Variants in LUZP2 observed in about 807,000 individuals in gnomAD.
LUZP2 encodes leucine zipper protein 2.
Under a neutral mutation model 51.6 loss-of-function variants are expected in LUZP2, and 52 were observed. The observed-to-expected ratio is 1.01, with a 90% confidence interval of 0.81 to 1.27. The LOEUF (loss-of-function observed/expected upper bound fraction) is 1.27. Ranked by LOEUF, LUZP2 falls within the 50% of genes most tolerant of loss-of-function variation. LUZP2 has a pLI of 0.00. For missense variants in LUZP2, 436 were observed against 395.4 expected (o/e 1.10, Z -0.87); for synonymous variants, 154 against 137.3 (o/e 1.12, Z -0.85).
intron 1 of LUZP2, among the ~76,000 whole-genome samples, chr11:24,628,390 G>C (rs577741356): frequency 6.6e-6 from 1 of 152,114 alleles, no homozygotes; most frequent in Non-Finnish European, 1.5e-5. Flanking sequence ...TTCCTTCTCT[G>C]TTATTTATAG....
intron 5 of LUZP2, among the ~76,000 whole-genome samples, chr11:24,881,315 CAAAA>C (rs3078893): frequency 1.6e-5 from 2 of 127,778 alleles, no homozygotes; most frequent in African/African-American, 5.5e-5. Context: ...GAGTAATTGC[CAAAA>C]AAAAAAAAAG....
Position 24,786,850 on chromosome 11 carries a change from C to A in LUZP2, c.396+23542C>A, listed in dbSNP as rs983150514. Among the ~76,000 whole-genome samples the A allele has an allele frequency of 2.0e-5, 3 of 151,462 alleles. No individual in the cohort carries two copies. In the Admixed American group the frequency reaches 2.0e-4, roughly 10 times the overall value. ...TCTTTCAGGTATTTTTATAGGAAGC[C>A]AAATTTTCAATAAGAAAGTACTGTA... On this transcript the variant is annotated intron_variant, in intron 5 of 11. Coordinates refer to ENST00000336930, the MANE Select transcript of LUZP2 (RefSeq NM_001009909.4).
chr11:24,595,509 T>A (rs1056737752), intron 1 of LUZP2, among the ~76,000 whole-genome samples: 12 of 152,196 alleles, frequency 7.9e-5, no homozygotes. Context: ...CAGGTTCTGC[T>A]GGATGGTATG....
chr11:24,926,040 C>A (rs1343993791), intron 7 of LUZP2, among the ~76,000 whole-genome samples: 1 of 151,872 alleles, frequency 6.6e-6, no homozygotes, highest in Admixed American at 6.6e-5. Context: ...GTCTCCAAAT[C>A]CATCCAGGTT....
At chr11:24,786,188 A>G (rs1849240327) in intron 5 of LUZP2, 1 of 969,196 alleles carries the variant, frequency 1.0e-6, no homozygotes, top group Non-Finnish European at 1.2e-6. Context: ...CAAGAAGCAT[A>G]TTATATATTT....
chr11:24,908,959 C>T (rs1050949113), intron 6 of LUZP2, among the ~76,000 whole-genome samples: 1 of 151,564 alleles, frequency 6.6e-6, no homozygotes, highest in African/African-American at 2.4e-5. Context: ...GACAGGGTTT[C>T]ACTGTGTTAG....
intron 7 of LUZP2, among the ~76,000 whole-genome samples, chr11:24,965,586 T>C (rs10834559): frequency 0.49 from 74,270 of 151,502 alleles, 18,574 homozygotes; most frequent in Non-Finnish European, 0.51. Flanking sequence ...GGAAAAGTTA[T>C]AGGTTAACAA....
chr11:24,936,592 C>T (rs1565132509), intron 7 of LUZP2, among the ~76,000 whole-genome samples: 1 of 151,542 alleles, frequency 6.6e-6, no homozygotes, highest in Non-Finnish European at 1.5e-5. Context: ...CCTCTCATTC[C>T]TGATCGTAGC....
At chr11:25,020,569 C>T (rs953401008) in intron 9 of LUZP2, among the ~76,000 whole-genome samples, 1 of 151,826 alleles carries the variant, frequency 6.6e-6, no homozygotes, top group Non-Finnish European at 1.5e-5. Flanking sequence ...GTCATTTTTG[C>T]AGAGTTATAT....
intron 3 of LUZP2, among the ~76,000 whole-genome samples, chr11:24,736,542 T>C (rs1254865227): frequency 6.6e-6 from 1 of 151,506 alleles, no homozygotes; most frequent in African/African-American, 2.4e-5. Flanking sequence ...GATAGTATAG[T>C]AACTCTTTAT....
chr11:24,658,506 T>A lies in LUZP2; in HGVS notation c.63-70663T>A, dbSNP rs563493543. Among the ~76,000 whole-genome samples the A allele has an allele frequency of 2.4e-3, 368 of 152,220 alleles. 2 individuals carry two copies. Among genetic ancestry groups the A allele is most frequent in the African/African-American group, 8.6e-3 (358 of 41,538 alleles). On this transcript the variant is annotated intron_variant, in intron 1 of 11. Transcript: ENST00000336930. ...AACCTAGGCAATACCATTCAGGACA[T>A]AGGCATGGGCAAGGACTTCATGTCT...
At chr11:25,062,613 A>AAAAAAAG (rs10676930) in intron 10 of LUZP2, among the ~76,000 whole-genome samples, 1 of 147,184 alleles carries the variant, frequency 6.8e-6, no homozygotes. Context: ...AAAAAAAAAA[A>AAAAAAAG]GAAAGGAAAG....
At chr11:24,534,432 A>G (rs1320948059) in intron 1 of LUZP2, among the ~76,000 whole-genome samples, 3 of 143,848 alleles carry the variant, frequency 2.1e-5, no homozygotes, top group Non-Finnish European at 4.5e-5. Context: ...AAGATTACAC[A>G]TACATTTCTC....
At chr11:24,964,305 T>C (rs1855517206) in intron 7 of LUZP2, among the ~76,000 whole-genome samples, 1 of 152,156 alleles carries the variant, frequency 6.6e-6, no homozygotes, top group South Asian at 2.1e-4. Context: ...TTATATAATC[T>C]CAGAAAAAGA....
intron 6 of LUZP2, among the ~76,000 whole-genome samples, chr11:24,908,986 C>A (rs1319865527): frequency 1.3e-5 from 2 of 151,750 alleles, no homozygotes; most frequent in Non-Finnish European, 2.9e-5. Context: ...TGGTCTTGAT[C>A]TCCTGACCTC....
chr11:24,684,158 A>T (rs1856828061), intron 1 of LUZP2, among the ~76,000 whole-genome samples: 1 of 150,976 alleles, frequency 6.6e-6, no homozygotes, highest in Admixed American at 6.6e-5. Flanking sequence ...TCCCAATCAG[A>T]CCCCTTTTCC....
chr11:24,899,242 G>A (rs1252983696), intron 5 of LUZP2, among the ~76,000 whole-genome samples: 1 of 151,892 alleles, frequency 6.6e-6, no homozygotes, highest in Admixed American at 6.6e-5. Flanking sequence ...CTCATCTTCA[G>A]ATTTATTATA....
chr11:24,850,953 CA>C (rs1851376234), intron 5 of LUZP2, among the ~76,000 whole-genome samples: 1 of 152,148 alleles, frequency 6.6e-6, no homozygotes, highest in African/African-American at 2.4e-5. Context: ...GGTTTTTGCA[CA>C]TTGACTTTTT....
In LUZP2 at chr11:25,030,726, G is replaced by T. The variant is rs78415706; in HGVS notation, c.766-19312G>T. ...ACATAATTTGTTTTCCTCATTTTGA[G>T]ATATGACTATGTATTTACCATTTTC... On this transcript the variant is annotated intron_variant, in intron 9 of 11. Coordinates refer to ENST00000336930, the MANE Select transcript of LUZP2 (RefSeq NM_001009909.4). 2.1e-3 allele frequency among the ~76,000 whole-genome samples: 317 copies of T among 149,664 alleles called. 1 individual carries two copies. The highest frequency in any genetic ancestry group is 7.5e-3 in the African/African-American group (308 of 41,006).
Sources: gnomAD v4.1 joint callset for allele counts (sites outside exome capture counted in the v4.1 genomes callset) on GRCh38, gnomAD v4.1.1 for gene constraint, MANE v1.5 for transcripts, NCBI Gene and HGNC (gene_info 2026-07-23, HGNC 2026-07-21) for gene names.